The following SPPL2A variants were observed in gnomAD, a reference collection of about 807,000 sequenced individuals.
The protein encoded by SPPL2A is signal peptide peptidase-like 2A.
Under a neutral mutation model 63.8 loss-of-function variants are expected in SPPL2A, and 51 were observed. That is an observed-to-expected ratio of 0.80 (90% CI 0.64 to 1.01). The LOEUF (loss-of-function observed/expected upper bound fraction) is 1.01. SPPL2A is among the 50% of genes least tolerant of loss of function. SPPL2A has a pLI of 0.00. For synonymous variants in SPPL2A, 188 were observed against 205.8 expected (o/e 0.91, Z 0.74); for missense variants, 553 against 622.7 (o/e 0.89, Z 1.19).
chr15:50,752,476 G>A (rs998777377), intron 1 of SPPL2A, among the ~76,000 whole-genome samples: 11 of 152,046 alleles, frequency 7.2e-5, no homozygotes, highest in African/African-American at 2.2e-4. Context: ...CCAGCACCTC[G>A]GGAGGCCGAG....
chr15:50,737,496 A>G (rs2141041171), intron 6 of SPPL2A, among the ~76,000 whole-genome samples: 1 of 152,254 alleles, frequency 6.6e-6, no homozygotes, highest in South Asian at 2.1e-4. Flanking sequence ...TGTGTCACCC[A>G]GGCTGGAGTG....
At chr15:50,723,889 C>A (rs898157506) in intron 12 of SPPL2A, among the ~76,000 whole-genome samples, 1 of 152,174 alleles carries the variant, frequency 6.6e-6, no homozygotes, top group Non-Finnish European at 1.5e-5. Context: ...CTCAGCTTGT[C>A]ATGTATTGTC....
chr15:50,748,577 T>G, intron 3 of SPPL2A, 111 bp downstream of exon 3: 1 of 691,022 alleles, frequency 1.4e-6, no homozygotes, highest in Non-Finnish European at 2.4e-6. Context: ...AATCTTGCCA[T>G]CAGATCATTC....
Position 50,748,752 on chromosome 15 carries a change from T to G in SPPL2A, c.296A>C (p.Glu99Ala), listed in dbSNP as rs2062880132. ...VVPWGSCHFLEKARIAQKGGA... is the reference protein window; with the variant it reads ...VVPWGSCHFLAKARIAQKGGA... Reference sequence around the variant, plus strand: ...TCCTTTCTGTGCAATTCTGGCTTTTTCAAGAAAATGGCAGCTTCCCCATGG... The same window carrying G: ...TCCTTTCTGTGCAATTCTGGCTTTTGCAAGAAAATGGCAGCTTCCCCATGG... Residue 99 changes from glutamate (E) to alanine (A), a missense_variant, in exon 3 of 15, where the codon GAA (glutamate) becomes GCA (alanine). Transcript: ENST00000261854. The G allele has an allele frequency of 6.2e-7, 1 of 1,612,252 alleles. No individual in the cohort carries two copies. Among genetic ancestry groups the G allele is most frequent in the African/African-American group, 1.3e-5 (1 of 74,910 alleles).
intron 5 of SPPL2A, among the ~76,000 whole-genome samples, chr15:50,746,436 CAAAAAAAAAAAAAAA>C (rs71127139): frequency 3.4e-5 from 3 of 87,052 alleles, no homozygotes; most frequent in African/African-American, 1.2e-4. Flanking sequence ...GACTCTGTAT[CAAAAAAAAAAAAAAA>C]AAAAAAAAAA....
chr15:50,730,841 G>A, intron 10 of SPPL2A, 124 bp downstream of exon 10: 1 of 588,602 alleles, frequency 1.7e-6, no homozygotes, highest in Non-Finnish European at 3.1e-6. Context: ...TTCAATGACA[G>A]TTCTTTTAAG....
chr15:50,739,799 T>A lies in SPPL2A; in HGVS notation c.614A>T (p.Asp205Val). The change falls in exon 6 of 15, where the codon GAT becomes GTT. Residue 205 changes from aspartate (D) to valine (V), a missense_variant. Coordinates refer to ENST00000261854, the MANE Select transcript of SPPL2A (RefSeq NM_032802.4). ...TTCCTTCTTTTTCCTCATTTCTCTA[T>A]CTTCAGTTGTCACTGCTTTCAAGTT... Reference protein sequence around the residue: ...LENLKAVTTEDREMRKKKEEY... With the variant: ...LENLKAVTTEVREMRKKKEEY... 6.2e-7 allele frequency: 1 copy of A among 1,603,802 alleles called. No homozygotes were observed. Among genetic ancestry groups the A allele is most frequent in the South Asian group, 1.1e-5 (1 of 89,088 alleles).
At chr15:50,722,489 C>T (rs963789074) in intron 12 of SPPL2A, among the ~76,000 whole-genome samples, 2 of 151,974 alleles carry the variant, frequency 1.3e-5, no homozygotes, top group African/African-American at 4.8e-5. Flanking sequence ...CGGAGTCTCG[C>T]TCTGTTGCCC....
In SPPL2A at chr15:50,763,829, C is replaced by T. The variant is rs181579347; in HGVS notation, c.66+1639G>A. On this transcript the variant is annotated intron_variant, in intron 1 of 14. Coordinates refer to ENST00000261854, the MANE Select transcript of SPPL2A (RefSeq NM_032802.4). ...AGGAGAATTGCTTGAACCTGGGAGG[C>T]GGAGGTTGCAGTGAGCCGAGATCGC... Among the ~76,000 whole-genome samples, 26 of 152,144 alleles carry T rather than the reference C, an allele frequency of 1.7e-4. No individual in the cohort carries two copies. In the East Asian group the frequency reaches 3.9e-3, roughly 23 times the overall value.
chr15:50,752,642 T>A (rs2062919067), intron 1 of SPPL2A, among the ~76,000 whole-genome samples: 1 of 150,850 alleles, frequency 6.6e-6, no homozygotes, highest in Non-Finnish European at 1.5e-5. Flanking sequence ...TGCTTGAACC[T>A]GGGTAGTGGA....
intron 5 of SPPL2A, among the ~76,000 whole-genome samples, chr15:50,746,483 G>A (rs2062858990): frequency 6.9e-6 from 1 of 145,578 alleles, no homozygotes; most frequent in African/African-American, 2.5e-5. Context: ...AAACATTTAT[G>A]TTTATTTTGT....
intron 14 of SPPL2A, among the ~76,000 whole-genome samples, chr15:50,717,968 G>GTGT (rs1470181247): frequency 1.1e-5 from 1 of 91,660 alleles, no homozygotes; most frequent in African/African-American, 4.5e-5. Context: ...TGTAACTTTC[G>GTGT]TTTTTTTTTT....
intron 6 of SPPL2A, 106 bp downstream of exon 6, chr15:50,739,574 A>C (rs2062801288): frequency 2.7e-6 from 2 of 740,912 alleles, no homozygotes; most frequent in South Asian, 2.8e-5. Flanking sequence ...CAAATTATTC[A>C]CATACGTTTT....
In SPPL2A at chr15:50,722,245, C is replaced by G. The variant is rs780414271; in HGVS notation, c.1250-44G>C. On this transcript the variant is annotated intron_variant, in intron 12 of 14. Coordinates refer to ENST00000261854, the MANE Select transcript of SPPL2A (RefSeq NM_032802.4). ...CATTATTTTCTTAAAACAATAACAG[C>G]AATGCAAATTCAATTGTTAACAATA... 6 of 1,082,136 alleles carry G rather than the reference C, an allele frequency of 5.5e-6. No homozygotes were observed. In the East Asian group the frequency reaches 1.2e-4, roughly 21 times the overall value. The allele number at this position is 1,082,136 out of a possible 1,614,324, so 67.0% of individuals were successfully genotyped here.
At chr15:50,722,784 A>C (rs1031879985) in intron 12 of SPPL2A, among the ~76,000 whole-genome samples, 10 of 152,216 alleles carry the variant, frequency 6.6e-5, no homozygotes, top group Non-Finnish European at 2.9e-5. Flanking sequence ...TTTATCATTA[A>C]AAAATATATT....
intron 1 of SPPL2A, among the ~76,000 whole-genome samples, chr15:50,752,813 C>T (rs2062921645): frequency 6.6e-6 from 1 of 151,846 alleles, no homozygotes; most frequent in South Asian, 2.1e-4. Context: ...TGTCCTTTAT[C>T]TGCTATACAT....
chr15:50,762,772 A>T lies in SPPL2A; in HGVS notation c.66+2696T>A, dbSNP rs1376837272. Among the ~76,000 whole-genome samples, 3 of 145,444 alleles carry T rather than the reference A, an allele frequency of 2.1e-5. No individual in the cohort carries two copies. In the Admixed American group the frequency reaches 2.1e-4, roughly 10 times the overall value. ...TTTTGAGATGGAGTCTCGCTCTGTC[A>T]CACAGGCTGGAGTGCAGTGGCACGA... On this transcript the variant is annotated intron_variant, in intron 1 of 14. Transcript: ENST00000261854.
chr15:50,721,587 A>T (rs937492452), intron 13 of SPPL2A, among the ~76,000 whole-genome samples: 4 of 150,226 alleles, frequency 2.7e-5, no homozygotes, highest in Non-Finnish European at 4.4e-5. Flanking sequence ...TGACCACCAC[A>T]CACAGCTAAT....
chr15:50,710,885 T>C (rs2062550897), intron 14 of SPPL2A, among the ~76,000 whole-genome samples: 1 of 152,252 alleles, frequency 6.6e-6, no homozygotes, highest in South Asian at 2.1e-4. Flanking sequence ...CAGAGAAAAA[T>C]AGCCCATTGG....
Sources: allele counts gnomAD v4.1 joint callset (sites outside exome capture counted in the v4.1 genomes callset), GRCh38; gene constraint gnomAD v4.1.1; transcripts MANE v1.5; gene names NCBI Gene and HGNC (gene_info 2026-07-23, HGNC 2026-07-21).